MMD2: variants seen among roughly 807,000 people sequenced by gnomAD.
The protein encoded by MMD2 is monocyte to macrophage differentiation associated 2.
Under a neutral mutation model 33.5 loss-of-function variants are expected in MMD2, and 30 were observed. The ratio of observed to expected loss-of-function variants is 0.90; its 90% CI spans 0.67 to 1.22. The LOEUF is 1.22. MMD2 is among the 50% of genes most tolerant of loss of function. The pLI is 0.00. For synonymous variants in MMD2, 129 were observed against 123.0 expected (o/e 1.05, Z -0.32); for missense variants, 364 against 325.4 (o/e 1.12, Z -0.91).
At chr7:4,895,770 G>A in the MMD2 span, among the ~76,000 whole-genome samples, 5 of 151,936 alleles carry the variant, frequency 3.3e-5, no homozygotes, top group Non-Finnish European at 7.4e-5. Flanking sequence ...TCCTGACCTC[G>A]TGATCTGCCC....
At chr7:4,933,782 A>G (rs1256849559) in intron 1 of MMD2, among the ~76,000 whole-genome samples, 1 of 150,656 alleles carries the variant, frequency 6.6e-6, no homozygotes, top group Non-Finnish European at 1.5e-5. Flanking sequence ...ACAGGTACAC[A>G]CCACCATGCC....
chr7:4,955,407 T>C (rs1158447460), intron 1 of MMD2, among the ~76,000 whole-genome samples: 1 of 152,164 alleles, frequency 6.6e-6, no homozygotes, highest in Non-Finnish European at 1.5e-5. Context: ...GGACAGCATT[T>C]TTTACAATGT....
chr7:4,953,475 CT>C (rs34343195), intron 1 of MMD2, among the ~76,000 whole-genome samples: 48,086 of 140,980 alleles, frequency 0.34, 9,331 homozygotes, highest in Non-Finnish European at 0.46. Context: ...GATTCAGTCT[CT>C]TTTTTTTTTT....
At chr7:4,911,321 C>T in intron 4 of MMD2, 75 bp from the exon 5 acceptor site, 2 of 1,236,328 alleles carry the variant, frequency 1.6e-6, no homozygotes, top group South Asian at 1.3e-5. Context: ...ACCGGCCTGT[C>T]ACAGGAAATG....
downstream of MMD2, among the ~76,000 whole-genome samples, chr7:4,903,325 C>A (rs1784819315): frequency 6.6e-6 from 1 of 152,082 alleles, no homozygotes; most frequent in Admixed American, 6.6e-5. Context: ...GCTGTCAACC[C>A]CCTGTGCAAG....
intron 1 of MMD2, among the ~76,000 whole-genome samples, chr7:4,935,868 G>C (rs1489142466): frequency 6.6e-6 from 1 of 151,860 alleles, no homozygotes; most frequent in Non-Finnish European, 1.5e-5. Context: ...GCAACTACCT[G>C]TGCATTTATA....
chr7:4,951,511 C>A (rs1184418268), intron 1 of MMD2, among the ~76,000 whole-genome samples: 5 of 152,094 alleles, frequency 3.3e-5, no homozygotes, highest in Non-Finnish European at 7.4e-5. Flanking sequence ...CTGAAGAGCC[C>A]ACTTACATGC....
chr7:4,926,191 G>A (rs1785422586), intron 1 of MMD2, among the ~76,000 whole-genome samples: 1 of 151,590 alleles, frequency 6.6e-6, no homozygotes, highest in African/African-American at 2.4e-5. Context: ...TCCACCTCCT[G>A]GGCTCAAGTG....
chr7:4,941,099 G>A (rs1025179102), intron 1 of MMD2, among the ~76,000 whole-genome samples: 1 of 152,104 alleles, frequency 6.6e-6, no homozygotes, highest in Non-Finnish European at 1.5e-5. Context: ...CAAAGATGGG[G>A]GCCCCTTAGG....
At position 4,907,286 on chromosome 7, in the gene MMD2, A is replaced by G. The variant is rs1784886961; in HGVS notation, c.*110T>C. ...CAGAAGTCACCTTGGAGCCATCAAG[A>G]ACTCTACCCAATAAAGGGAAGACAG... On this transcript the variant is annotated 3_prime_UTR_variant, in exon 7 of 7. Coordinates refer to ENST00000401401, the MANE Select transcript of MMD2 (RefSeq NM_198403.4). 1.9e-6 allele frequency: 2 copies of G among 1,052,060 alleles called. No homozygotes were observed. Among genetic ancestry groups the G allele is most frequent in the African/African-American group, 3.1e-5 (2 of 63,740 alleles). The allele number at this position is 1,052,060 out of a possible 1,614,324, so 65.2% of individuals were successfully genotyped here.
chr7:4,908,344 GT>G (rs1419973275), intron 6 of MMD2, among the ~76,000 whole-genome samples: 1 of 150,518 alleles, frequency 6.6e-6, no homozygotes, highest in Non-Finnish European at 1.5e-5. Flanking sequence ...GTTTCACCAT[GT>G]TGGCCAGGCT....
chr7:4,920,303 C>A lies in MMD2; in HGVS notation c.158G>T (p.Ser53Ile). 6.2e-7 allele frequency: 1 copy of A among 1,609,390 alleles called. No homozygotes were observed. Among genetic ancestry groups the A allele is most frequent in the South Asian group, 1.1e-5 (1 of 89,636 alleles). The change falls in exon 3 of 7, where the codon AGC becomes ATC. Residue 53 changes from serine (S) to isoleucine (I), a missense_variant. Transcript: ENST00000401401. ...GTCCGACAGGAAGTAGAGGTTGGAG[C>A]TGCCCAGGATGCTGGGGATGATCCA... ...AFWIIPSILG[S>I]SNLYFLSDDD...
Position 4,907,269 on chromosome 7 carries a change from A to G in MMD2, c.*127T>C. ...GATGATCTGGCTGTCACCAGAAGTCACCTTGGAGCCATCAAGAACTCTACC... is the reference window on the plus strand; with the variant it reads ...GATGATCTGGCTGTCACCAGAAGTCGCCTTGGAGCCATCAAGAACTCTACC... On this transcript the variant is annotated 3_prime_UTR_variant, in exon 7 of 7. Coordinates refer to ENST00000401401, the MANE Select transcript of MMD2 (RefSeq NM_198403.4). 1.2e-6 allele frequency: 1 copy of G among 861,356 alleles called. No homozygotes were observed. The highest frequency in any genetic ancestry group is 1.6e-5 in the South Asian group (1 of 60,708). 53.4% of individuals were successfully genotyped at this position (861,356 alleles called of 1,614,324 possible).
intron 1 of MMD2, among the ~76,000 whole-genome samples, chr7:4,943,950 C>T (rs116385815): frequency 0.14 from 20,471 of 151,296 alleles, 1,662 homozygotes; most frequent in Admixed American, 0.22. Context: ...TATAGGTGCA[C>T]GCCACCACCC....
chr7:4,905,701 G>A (rs1012212140), downstream of MMD2, among the ~76,000 whole-genome samples: 3 of 152,160 alleles, frequency 2.0e-5, no homozygotes, highest in African/African-American at 4.8e-5. The surrounding 1 kb of genome is among the most constrained non-coding windows in gnomAD (Gnocchi z 5.0). Context: ...CAAGTTTTCA[G>A]TGTCTCTGTC....
At chr7:4,919,295 G>A (rs956769509) in intron 3 of MMD2, among the ~76,000 whole-genome samples, 4 of 152,102 alleles carry the variant, frequency 2.6e-5, no homozygotes, top group Admixed American at 6.6e-5. Context: ...CAAGTCAGGC[G>A]TGAAGGCTCA....
intron 3 of MMD2, among the ~76,000 whole-genome samples, chr7:4,919,343 T>A (rs1199742923): frequency 6.6e-6 from 1 of 151,770 alleles, no homozygotes; most frequent in African/African-American, 2.4e-5. Context: ...CTGAAGCAGG[T>A]GGATCACTAG....
At chr7:4,944,833 T>C (rs1352327277) in intron 1 of MMD2, among the ~76,000 whole-genome samples, 4 of 138,148 alleles carry the variant, frequency 2.9e-5, no homozygotes, top group African/African-American at 1.1e-4. Context: ...AGTGGCACGA[T>C]CTCGGCTCAC....
intron 4 of MMD2, among the ~76,000 whole-genome samples, chr7:4,912,344 G>C (rs1277101911): frequency 6.6e-6 from 1 of 151,852 alleles, no homozygotes; most frequent in Admixed American, 6.6e-5. Context: ...AGATCACGAG[G>C]TCAGGAGATT....
Sources: allele counts gnomAD v4.1 joint callset (sites outside exome capture counted in the v4.1 genomes callset), GRCh38; gene constraint gnomAD v4.1.1; non-coding constraint Gnocchi (gnomAD v3.1); transcripts MANE v1.5; gene names NCBI Gene and HGNC (gene_info 2026-07-23, HGNC 2026-07-21).